Variants in NEB observed in about 807,000 individuals in gnomAD.
NEB encodes nebulin, also known as nemaline myopathy type 2.
Under a neutral mutation model 952.2 loss-of-function variants are expected in NEB, and 512 were observed. The observed-to-expected ratio is 0.54, with a 90% CI of 0.50 to 0.58. The LOEUF (loss-of-function observed/expected upper bound fraction) is 0.58, where lower values mean the gene tolerates loss of function less well. Ranked by LOEUF, NEB falls within the 20% of genes least tolerant of loss-of-function variation. The pLI is 0.00. For missense variants in NEB, 8,428 were observed against 9,231.1 expected, an observed-to-expected ratio of 0.91 and a Z score of 3.56; for synonymous variants, 2,900 against 3,149.8, an observed-to-expected ratio of 0.92 and a Z score of 2.66.
chr2:151,631,231 C>A lies in NEB; in HGVS notation c.9530G>T (p.Arg3177Leu), dbSNP rs376726354. The change falls in exon 66 of 182, where the codon CGC (arginine) becomes CTC (leucine). Residue 3177 changes from arginine to leucine, a missense_variant. Around this residue, in one of 11 missense-constraint regions of NEB, gnomAD observed 1,772 missense variants for 1,960.3 expected, o/e 0.90. Coordinates refer to ENST00000397345, the MANE Select transcript of NEB (RefSeq NM_001164508.2). Reference sequence around the variant, plus strand: ...AAATTTCAGCTTGTCCGGAGGCTGGCGGTAGATGTTATCACTCAGTATTTC... The same window carrying A: ...AAATTTCAGCTTGTCCGGAGGCTGGAGGTAGATGTTATCACTCAGTATTTC... ...ATEILSDNIY[R>L]QPPDKLKFTS... 4 of 1,613,882 alleles carry A rather than the reference C, an allele frequency of 2.5e-6. No homozygotes were observed. Among genetic ancestry groups the A allele is most frequent in the African/African-American group, 2.7e-5 (2 of 74,992 alleles).
At chr2:151,622,787 A>AT (rs916979730) in intron 71 of NEB, among the ~76,000 whole-genome samples, 7 of 152,328 alleles carry the variant, frequency 4.6e-5, no homozygotes, top group Non-Finnish European at 5.9e-5. Flanking sequence ...TTACTATCAA[A>AT]TATACGGTGA....
At chr2:151,689,465 A>G (rs2099529448) in intron 24 of NEB, 1 of 152,162 alleles carries the variant, frequency 6.6e-6, no homozygotes, top group Admixed American at 6.5e-5. Flanking sequence ...TCAGCCTCCC[A>G]AAGTGCTGGG....
rs2099407699 is a variant in NEB at position 151,680,675 on chromosome 2, A to G, written c.3042+55T>C. On this transcript the variant is annotated intron_variant, in intron 30 of 181. Transcript: ENST00000397345. ...GAGGTGATCAGTACATTTGAAATACAAATGTATTTGTATTAGTTAACATCT... is the reference window on the plus strand; with the variant it reads ...GAGGTGATCAGTACATTTGAAATACGAATGTATTTGTATTAGTTAACATCT... The G allele has an allele frequency of 7.7e-6, 10 of 1,290,776 alleles. No individual in the cohort carries two copies. The South Asian group carries it at 1.0e-4, about 13-fold the overall frequency. The allele number at this position is 1,290,776 out of a possible 1,614,324, so 80.0% of individuals were successfully genotyped here. A position where few individuals can be genotyped will look rare whatever the true frequency, so the allele number is the denominator to read the frequency against.
Position 151,697,403 on chromosome 2 carries a change from A to C in NEB, c.1312T>G (p.Phe438Val), listed in dbSNP as rs959840049. 6.8e-6 allele frequency: 11 copies of C among 1,613,874 alleles called. No individual in the cohort carries two copies. The highest frequency in any genetic ancestry group is 9.3e-6 in the Non-Finnish European group (11 of 1,179,878). ...CAGTGTGAATGGTATGGATCCTCGA[A>C]GCTGCCTACATAATGTCCCAAAATA... ...KDILGHYVGS[F>V]EDPYHSHCMK... The change falls in exon 15 of 182, where the codon TTC (phenylalanine) becomes GTC (valine). Residue 438 changes from phenylalanine (F) to valine (V), a missense_variant. Transcript: ENST00000397345.
intron 29 of NEB, among the ~76,000 whole-genome samples, chr2:151,682,263 T>C (rs1433838550): frequency 1.3e-5 from 2 of 152,200 alleles, no homozygotes; most frequent in Admixed American, 1.3e-4. Context: ...AAAATTCAAT[T>C]GCAGTGATGA....
At chr2:151,640,800 AT>A in intron 60 of NEB, 134 bp from the exon 61 acceptor site, 1 of 776,242 alleles carries the variant, frequency 1.3e-6, no homozygotes, top group Non-Finnish European at 2.0e-6. Flanking sequence ...TGTAGAAACA[AT>A]TTAGAAAATA....
At position 151,561,101 on chromosome 2, in the gene NEB, T is replaced by C. The variant is rs1397465800; in HGVS notation, c.19109A>G (p.Tyr6370Cys). ...CTTAATCTGATGATAATTTTCTTTA[T>C]ATTTTACCTGTAGACAAGCAACAAT... is the stretch of plus-strand genomic sequence containing the variant. ...QSGINASEVK[Y>C]KENYHQIKDK... The change falls in exon 123 of 182, where the codon TAT becomes TGT. Residue 6370 changes from tyrosine (Y) to cysteine (C), a missense_variant. Physicochemically the swap from Tyr to Cys is radical, Grantham distance 194. Coordinates refer to ENST00000397345, the MANE Select transcript of NEB (RefSeq NM_001164508.2). 1.9e-6 allele frequency: 3 copies of C among 1,584,636 alleles called. No individual in the cohort carries two copies. Among genetic ancestry groups the C allele is most frequent in the Admixed American group, 1.7e-5 (1 of 57,810 alleles).
rs141633082 is a variant in NEB at position 151,613,432 on chromosome 2, T to C, written c.11601+844A>G. Reference sequence around the variant, plus strand: ...AATTCTTAACCTGGCATCAGTGAACTTGGATAGAAAAAATATGTAACATCT... The same window carrying C: ...AATTCTTAACCTGGCATCAGTGAACCTGGATAGAAAAAATATGTAACATCT... On this transcript the variant is annotated intron_variant, in intron 77 of 181. Transcript: ENST00000397345. 2.6e-3 allele frequency among the ~76,000 whole-genome samples: 396 copies of C among 152,350 alleles called. 10 individuals are homozygous for C. In the East Asian group the frequency reaches 0.054, roughly 21 times the overall value.
intron 27 of NEB, among the ~76,000 whole-genome samples, chr2:151,686,483 C>T (rs1398326224): frequency 6.6e-6 from 1 of 152,148 alleles, no homozygotes. Flanking sequence ...AAAGACTCAA[C>T]TAGTGAACAA....
intron 12 of NEB, among the ~76,000 whole-genome samples, chr2:151,708,921 C>A (rs924131358): frequency 6.6e-5 from 10 of 152,206 alleles, no homozygotes; most frequent in African/African-American, 2.4e-4. Flanking sequence ...TGCCCTGCTA[C>A]CCTCCTGGTC....
chr2:151,558,025 G>A (rs1033326440), intron 124 of NEB, among the ~76,000 whole-genome samples: 1 of 152,048 alleles, frequency 6.6e-6, no homozygotes, highest in Admixed American at 6.6e-5. Flanking sequence ...CCAGGGCAAT[G>A]AGGCAAGAGA....
intron 54 of NEB, among the ~76,000 whole-genome samples, chr2:151,647,799 T>G (rs184870150): frequency 1.7e-4 from 26 of 152,314 alleles, no homozygotes; most frequent in Admixed American, 1.6e-3. Flanking sequence ...TAGCAAGTAA[T>G]GCAACCTGTG....
At chr2:151,645,985 A>G (rs1575001603) in intron 55 of NEB, 145 bp downstream of exon 55, 1 of 638,194 alleles carries the variant, frequency 1.6e-6, no homozygotes. Flanking sequence ...ATTCAATCTA[A>G]AAGCCACTAA....
intron 3 of NEB, among the ~76,000 whole-genome samples, chr2:151,732,322 C>A (rs1238956480): frequency 6.6e-6 from 1 of 151,604 alleles, no homozygotes; most frequent in African/African-American, 2.4e-5. Flanking sequence ...AAGGCAAGAG[C>A]CGGTGAGGAA....
intron 34 of NEB, among the ~76,000 whole-genome samples, chr2:151,675,662 G>T (rs1201252792): frequency 6.6e-6 from 1 of 152,152 alleles, no homozygotes; most frequent in African/African-American, 2.4e-5. Context: ...TGAAACCCTA[G>T]CAAGAATAAT....
chr2:151,518,465 G>C, intron 155 of NEB, 43 bp from the exon 156 acceptor site: 2 of 1,199,710 alleles, frequency 1.7e-6, no homozygotes, highest in Non-Finnish European at 2.5e-6. Context: ...TGGAGAAGCT[G>C]CTCAGCATTC....
chr2:151,499,851 T>C (rs2063105081), intron 168 of NEB, among the ~76,000 whole-genome samples: 1 of 152,184 alleles, frequency 6.6e-6, no homozygotes, highest in African/African-American at 2.4e-5. Flanking sequence ...TGGTCAAGTA[T>C]AGAGGTTCAA....
At chr2:151,696,821 C>A in intron 16 of NEB, 86 bp from the exon 17 acceptor site, 1 of 905,930 alleles carries the variant, frequency 1.1e-6, no homozygotes, top group Admixed American at 2.2e-5. Flanking sequence ...GAACCTCATG[C>A]CCCACAAAGC....
intron 29 of NEB, 111 bp from the exon 30 acceptor site, chr2:151,680,939 T>C (rs997618506): frequency 2.2e-5 from 19 of 882,610 alleles, no homozygotes; most frequent in Middle Eastern, 2.2e-4. Flanking sequence ...TTCATGATTT[T>C]AAAATGCAAA....
Sources: gnomAD v4.1 joint callset for allele counts (sites outside exome capture counted in the v4.1 genomes callset) on GRCh38, gnomAD v4.1.1 for gene constraint, gnomAD v4.1.1 regional missense constraint, MANE v1.5 for transcripts, NCBI Gene and HGNC (gene_info 2026-07-23, HGNC 2026-07-21) for gene names.